Variants in HDAC4 observed in about 807,000 individuals in gnomAD.
The protein encoded by HDAC4 is histone deacetylase A.
HDAC4 carries 16 observed loss-of-function variants against 135.1 expected under a neutral mutation model. The ratio of observed to expected loss-of-function variants is 0.12; its 90% CI spans 0.08 to 0.18. HDAC4 has a LOEUF of 0.18. HDAC4 is among the 10% of genes least tolerant of loss of function. HDAC4 has a pLI of 1.00. For synonymous variants in HDAC4, 685 were observed against 653.4 expected (o/e 1.05, Z -0.74); for missense variants, 1,143 against 1,511.8 (o/e 0.76, Z 4.05).
chr2:239,140,829 G>A (rs763890939), intron 8 of HDAC4: 10 of 380,742 alleles, frequency 2.6e-5, no homozygotes, highest in Non-Finnish European at 4.5e-5. Flanking sequence ...TGCTGCCCGC[G>A]TCCTCCTGGA....
intron 15 of HDAC4, among the ~76,000 whole-genome samples, chr2:239,104,865 A>G (rs1344628666): frequency 6.6e-6 from 1 of 152,276 alleles, no homozygotes; most frequent in African/African-American, 2.4e-5. Flanking sequence ...GCAAAGAAGA[A>G]AAGTAGAAAA....
At chr2:239,062,656 G>A (rs151333742) in intron 24 of HDAC4, among the ~76,000 whole-genome samples, 24 of 152,358 alleles carry the variant, frequency 1.6e-4, no homozygotes, top group African/African-American at 5.3e-4. Flanking sequence ...TACGTCAGTT[G>A]CCTTTTAACT....
chr2:239,321,510 T>C (rs1323822010), intron 2 of HDAC4, among the ~76,000 whole-genome samples: 1 of 150,950 alleles, frequency 6.6e-6, no homozygotes, highest in African/African-American at 2.4e-5. Context: ...TACATTTTTC[T>C]GTGTTTTGAG....
At chr2:239,329,543 C>T (rs1162262366) in intron 2 of HDAC4, among the ~76,000 whole-genome samples, 4 of 135,344 alleles carry the variant, frequency 3.0e-5, no homozygotes, top group Non-Finnish European at 4.8e-5. Flanking sequence ...ATTCCTGCTC[C>T]GGCTGGGGGA....
chr2:239,121,706 C>T (rs896958676), intron 12 of HDAC4, among the ~76,000 whole-genome samples: 3 of 152,248 alleles, frequency 2.0e-5, no homozygotes, highest in South Asian at 2.1e-4. Context: ...TCAGGCAGGG[C>T]CTGAGGAGGA....
intron 7 of HDAC4, among the ~76,000 whole-genome samples, chr2:239,152,965 T>G (rs1157878892): frequency 6.6e-6 from 1 of 152,236 alleles, no homozygotes; most frequent in East Asian, 1.9e-4. Context: ...AAGGTACATT[T>G]CACAGATGAC....
At chr2:239,196,262 C>A (rs1277304356) in intron 3 of HDAC4, among the ~76,000 whole-genome samples, 3 of 152,080 alleles carry the variant, frequency 2.0e-5, no homozygotes, top group Non-Finnish European at 4.4e-5. Flanking sequence ...AGTGTGCCAT[C>A]CATGCTGAAG....
chr2:239,246,203 G>T (rs546545345), intron 2 of HDAC4, among the ~76,000 whole-genome samples: 1 of 152,200 alleles, frequency 6.6e-6, no homozygotes, highest in Non-Finnish European at 1.5e-5. Context: ...GGCAGAGCCC[G>T]GTGGGGAGGC....
Position 239,049,713 on chromosome 2 carries a change from GA to G in HDAC4, c.*3383del. 1 of 152,380 alleles carries G rather than the reference GA, an allele frequency of 6.6e-6. No homozygotes were observed. The highest frequency in any genetic ancestry group is 1.5e-5 in the Non-Finnish European group (1 of 68,022). The allele number at this position is 152,380 out of a possible 1,614,324, so 9.4% of individuals were successfully genotyped here. Reference sequence around the variant, plus strand: ...TTTTCAAAAGAAGTAAAGAAAAACTGAAACACCTTGACAAAGTGGCCCTCCA... The same window carrying G: ...TTTTCAAAAGAAGTAAAGAAAAACTGAACACCTTGACAAAGTGGCCCTCCA... On this transcript the variant is annotated 3_prime_UTR_variant, in exon 27 of 27. Coordinates refer to ENST00000543185, the MANE Select transcript of HDAC4 (RefSeq NM_001378414.1).
rs754536041 is a variant in HDAC4, at chr2:239,303,640, C to G, written c.22+49038G>C. On this transcript the variant is annotated intron_variant, in intron 2 of 26. Transcript: ENST00000543185. The surrounding 1 kb of genome is among the most constrained non-coding windows in gnomAD (Gnocchi z 5.1). The stretch of plus-strand genomic sequence containing the variant: ...CAATTGAGGAAACCAACAGGTTGAG[C>G]TGCTGCCTCAAGTAAAAAATTCAAG... Among the ~76,000 whole-genome samples, 1 of 151,984 alleles carries G rather than the reference C, an allele frequency of 6.6e-6. No individual in the cohort carries two copies. The highest frequency in any genetic ancestry group is 2.4e-5 in the African/African-American group (1 of 41,360).
intron 4 of HDAC4, among the ~76,000 whole-genome samples, chr2:239,181,294 G>A (rs990972033): frequency 6.6e-6 from 1 of 152,186 alleles, no homozygotes; most frequent in African/African-American, 2.4e-5. Context: ...AGGAGAGGAG[G>A]GGCTGAGGCA....
intron 1 of HDAC4, among the ~76,000 whole-genome samples, chr2:239,354,258 T>C (rs892988889): frequency 6.6e-6 from 1 of 152,226 alleles, no homozygotes; most frequent in Non-Finnish European, 1.5e-5. Context: ...GGCTGTTTCC[T>C]ATTCCATGTG....
intron 2 of HDAC4, among the ~76,000 whole-genome samples, chr2:239,290,965 A>G (rs1048366398): frequency 5.3e-5 from 8 of 152,238 alleles, no homozygotes; most frequent in African/African-American, 1.9e-4. Flanking sequence ...GCTTTATCCA[A>G]TCATGACTAA....
intron 2 of HDAC4, among the ~76,000 whole-genome samples, chr2:239,300,952 C>T (rs928864389): frequency 6.6e-6 from 1 of 152,214 alleles, no homozygotes; most frequent in African/African-American, 2.4e-5. Flanking sequence ...AGGGCAAGGG[C>T]CCTTAGCTCT....
At chr2:239,078,993 G>C (rs1238484016) in intron 22 of HDAC4, among the ~76,000 whole-genome samples, 7 of 152,226 alleles carry the variant, frequency 4.6e-5, no homozygotes, top group Non-Finnish European at 1.0e-4. Context: ...GGTGGCACCA[G>C]TGTTCACTCA....
At chr2:239,346,555 T>TCACACA (rs146910085) in intron 2 of HDAC4, among the ~76,000 whole-genome samples, 8 of 85,958 alleles carry the variant, frequency 9.3e-5, no homozygotes, top group African/African-American at 2.6e-4. Flanking sequence ...AAACACACCT[T>TCACACA]CACACACACA....
intron 2 of HDAC4, among the ~76,000 whole-genome samples, chr2:239,292,641 T>G (rs1191957462): frequency 6.6e-6 from 1 of 152,094 alleles, no homozygotes; most frequent in African/African-American, 2.4e-5. Flanking sequence ...AAGTAATGGG[T>G]CAGGTCAAAT....
chr2:239,253,986 C>T (rs958779347), intron 2 of HDAC4, among the ~76,000 whole-genome samples: 2 of 152,148 alleles, frequency 1.3e-5, no homozygotes, highest in Non-Finnish European at 2.9e-5. Context: ...GAAAACCCCA[C>T]CCACCAGGCC....
chr2:239,052,883 T>A lies in HDAC4; in HGVS notation c.*214A>T. 1.6e-6 allele frequency: 1 copy of A among 617,566 alleles called. No homozygotes were observed. Among genetic ancestry groups the A allele is most frequent in the Middle Eastern group, 2.9e-4 (1 of 3,462 alleles). The allele number at this position is 617,566 out of a possible 1,614,324, so 38.3% of individuals were successfully genotyped here. On this transcript the variant is annotated 3_prime_UTR_variant, in exon 27 of 27. Transcript: ENST00000543185. ...CGCGTCGCCGGCGTCTGTCCCGTGT[T>A]CCCTGTGAGGCTGCCACGCCCAGGC...
Sources: gnomAD v4.1 joint callset for allele counts (sites outside exome capture counted in the v4.1 genomes callset) on GRCh38, gnomAD v4.1.1 for gene constraint, Gnocchi (gnomAD v3.1) non-coding constraint, MANE v1.5 for transcripts, NCBI Gene and HGNC (gene_info 2026-07-23, HGNC 2026-07-21) for gene names.